KCNMB4: variants seen among roughly 807,000 people sequenced by gnomAD.
The protein encoded by KCNMB4 is calcium-activated potassium channel subunit beta-4.
In KCNMB4, 3 loss-of-function variants were observed where a neutral mutation model predicts 20.7. The observed-to-expected ratio is 0.14, with a 90% CI of 0.07 to 0.37. KCNMB4 has a LOEUF of 0.37. Among genes scored for constraint, KCNMB4 ranks in the 10% least tolerant of loss-of-function variants. The probability of loss-of-function intolerance (pLI) is 1.00; values close to 1 mark genes in which losing one functional copy is unlikely to be tolerated. For synonymous variants in KCNMB4, 110 were observed against 113.4 expected (o/e 0.97, Z 0.19); for missense variants, 168 against 265.9 (o/e 0.63, Z 2.56).
chr12:70,412,441 T>A (rs1375046823), intron 2 of KCNMB4, among the ~76,000 whole-genome samples: 3 of 152,334 alleles, frequency 2.0e-5, no homozygotes, highest in South Asian at 2.1e-4. Context: ...CAGACAACAC[T>A]TACATGCTTA....
chr12:70,375,280 G>A (rs567803415), intron 1 of KCNMB4, among the ~76,000 whole-genome samples: 1 of 151,990 alleles, frequency 6.6e-6, no homozygotes, highest in Non-Finnish European at 1.5e-5. Context: ...CTCCAAACCG[G>A]TGGTTTTCAA....
intron 2 of KCNMB4, among the ~76,000 whole-genome samples, chr12:70,416,705 T>C (rs974753904): frequency 6.6e-6 from 1 of 152,194 alleles, no homozygotes; most frequent in African/African-American, 2.4e-5. Context: ...CTGAGAGATA[T>C]TGCTTGACAG....
chr12:70,396,993 G>A (rs1277149788), intron 1 of KCNMB4, among the ~76,000 whole-genome samples: 1 of 152,168 alleles, frequency 6.6e-6, no homozygotes, highest in East Asian at 1.9e-4. Flanking sequence ...AGGCTTCACG[G>A]TAACTTGAGA....
At chr12:70,396,097 G>A (rs991496572) in intron 1 of KCNMB4, among the ~76,000 whole-genome samples, 6 of 152,158 alleles carry the variant, frequency 3.9e-5, no homozygotes, top group Non-Finnish European at 7.3e-5. Flanking sequence ...TCAGCTCTCA[G>A]GAGGACTACA....
rs1047309598 is a variant in KCNMB4, at chr12:70,366,319, G to A, written c.-416G>A. Reference sequence around the variant, plus strand: ...ACTCCTAGCCTTGGGGCAGCTGCCGGGCGAGTCAGCGGAGTAGCGGCCAGC... The same window carrying A: ...ACTCCTAGCCTTGGGGCAGCTGCCGAGCGAGTCAGCGGAGTAGCGGCCAGC... On this transcript the variant is annotated 5_prime_UTR_variant, in exon 1 of 3. Transcript: ENST00000258111. The A allele has an allele frequency of 2.2e-4, 34 of 152,086 alleles. No homozygotes were observed. The highest frequency in any genetic ancestry group is 8.0e-4 in the African/African-American group (33 of 41,502). The allele number at this position is 152,086 out of a possible 1,614,324, so 9.4% of individuals were successfully genotyped here. A position where few individuals can be genotyped will look rare whatever the true frequency, so the allele number is the denominator to read the frequency against.
chr12:70,391,566 A>T (rs1467752892), intron 1 of KCNMB4, among the ~76,000 whole-genome samples: 1 of 152,170 alleles, frequency 6.6e-6, no homozygotes, highest in Non-Finnish European at 1.5e-5. Flanking sequence ...TTGGCCTCCG[A>T]AGGCTCTAGG....
At chr12:70,402,528 C>T (rs1700200095) in intron 2 of KCNMB4, among the ~76,000 whole-genome samples, 1 of 151,536 alleles carries the variant, frequency 6.6e-6, no homozygotes, top group Admixed American at 6.6e-5. Flanking sequence ...CCTGTAGTCC[C>T]AGCTACTCAG....
At chr12:70,407,629 G>A (rs910083140) in intron 2 of KCNMB4, among the ~76,000 whole-genome samples, 8 of 151,408 alleles carry the variant, frequency 5.3e-5, no homozygotes, top group Non-Finnish European at 7.4e-5. Context: ...CACCACACCC[G>A]GCTAATTTTT....
chr12:70,421,464 A>C (rs1869051588), intron 2 of KCNMB4, among the ~76,000 whole-genome samples: 4 of 100,814 alleles, frequency 4.0e-5, no homozygotes, highest in Admixed American at 3.3e-4. Context: ...ACCTTGTCTC[A>C]AAAAAGAAAA....
intron 1 of KCNMB4, among the ~76,000 whole-genome samples, chr12:70,385,584 G>A (rs11178210): frequency 0.03 from 4,618 of 152,180 alleles, 126 homozygotes; most frequent in East Asian, 0.1. Context: ...CATCTTCAAC[G>A]AGTGCAGAAT....
chr12:70,422,822 G>A, intron 2 of KCNMB4: 3 of 1,249,430 alleles, frequency 2.4e-6, no homozygotes, highest in Non-Finnish European at 3.1e-6. Flanking sequence ...AAAACCGACA[G>A]ATGGATAAAA....
intron 1 of KCNMB4, among the ~76,000 whole-genome samples, chr12:70,380,503 C>T (rs1370386207): frequency 6.6e-6 from 1 of 152,062 alleles, no homozygotes; most frequent in Non-Finnish European, 1.5e-5. Context: ...ACAAACCTTC[C>T]ATCTGTAAAA....
intron 2 of KCNMB4, among the ~76,000 whole-genome samples, chr12:70,409,959 G>C (rs568710295): frequency 2.6e-5 from 4 of 152,214 alleles, no homozygotes; most frequent in African/African-American, 9.6e-5. Flanking sequence ...GTGGTAATAT[G>C]GTCTGCTTTA....
At chr12:70,384,316 G>C (rs1883847554) in intron 1 of KCNMB4, among the ~76,000 whole-genome samples, 1 of 150,778 alleles carries the variant, frequency 6.6e-6, no homozygotes, top group African/African-American at 2.5e-5. Context: ...TTTTGTGAGA[G>C]AAAACTGAGA....
At chr12:70,410,853 G>A (rs1290154928) in intron 2 of KCNMB4, among the ~76,000 whole-genome samples, 1 of 152,176 alleles carries the variant, frequency 6.6e-6, no homozygotes, top group Non-Finnish European at 1.5e-5. Flanking sequence ...TTGTACTCCT[G>A]ATGCTAACAG....
At chr12:70,408,789 C>T (rs1408060950) in intron 2 of KCNMB4, among the ~76,000 whole-genome samples, 5 of 151,388 alleles carry the variant, frequency 3.3e-5, no homozygotes, top group African/African-American at 1.2e-4. Flanking sequence ...CTTTTTTATT[C>T]AGGTAAGTTC....
chr12:70,425,172 C>T (rs1869176177), intron 2 of KCNMB4, among the ~76,000 whole-genome samples: 1 of 151,958 alleles, frequency 6.6e-6, no homozygotes, highest in Non-Finnish European at 1.5e-5. Flanking sequence ...TGTGGTGGCT[C>T]ATGCCTGTAA....
At chr12:70,413,600 C>T (rs1315087984) in intron 2 of KCNMB4, among the ~76,000 whole-genome samples, 1 of 152,150 alleles carries the variant, frequency 6.6e-6, no homozygotes, top group Non-Finnish European at 1.5e-5. Context: ...ACCGGAAACA[C>T]ATGTCAAATG....
At chr12:70,405,633 G>T (rs1868578805) in intron 2 of KCNMB4, among the ~76,000 whole-genome samples, 1 of 152,152 alleles carries the variant, frequency 6.6e-6, no homozygotes, top group African/African-American at 2.4e-5. Flanking sequence ...TCCCACTCCT[G>T]GGTATTTCTC....
Sources: allele counts gnomAD v4.1 joint callset (sites outside exome capture counted in the v4.1 genomes callset), GRCh38; gene constraint gnomAD v4.1.1; transcripts MANE v1.5; gene names NCBI Gene and HGNC (gene_info 2026-07-23, HGNC 2026-07-21).